The following TMEM59L variants were observed in gnomAD, a reference collection of about 807,000 sequenced individuals.
The protein encoded by TMEM59L is transmembrane protein 59 like.
TMEM59L carries 31 observed loss-of-function variants against 39.6 expected under a neutral mutation model. The observed-to-expected ratio is 0.78, with a 90% CI of 0.59 to 1.06. TMEM59L has a LOEUF of 1.06. TMEM59L is among the 50% of genes least tolerant of loss of function. TMEM59L has a pLI of 0.00. For synonymous variants in TMEM59L, 219 were observed against 202.9 expected (o/e 1.08, Z -0.68); for missense variants, 441 against 451.3 (o/e 0.98, Z 0.21).
intron 7 of TMEM59L, among the ~76,000 whole-genome samples, chr19:18,619,630 C>A (rs1196763865): frequency 2.0e-5 from 3 of 151,712 alleles, no homozygotes; most frequent in Non-Finnish European, 4.4e-5. Flanking sequence ...AGGTGAAACC[C>A]CATCTCTACT....
In TMEM59L at chr19:18,617,002, T is replaced by C. The variant is rs371416717; in HGVS notation, c.564T>C (p.Thr188=). 6.2e-7 allele frequency: 1 copy of C among 1,607,368 alleles called. No homozygotes were observed. Among genetic ancestry groups the C allele is most frequent in the Non-Finnish European group, 8.5e-7 (1 of 1,176,442 alleles). The stretch of plus-strand genomic sequence containing the variant: ...GTGCTGTCTTGTTCCTGGCCCAGAC[T>C]CAGCCCATAGTGGAGAGCCTCGGCT... The part of the protein sequence containing the change: ...TDNGKVVVFQ[T]QPIVESLGFQ... The change falls in exon 5 of 8, where the codon ACT becomes ACC. Residue 188 remains threonine (T), a splice_region_variant and synonymous_variant. Transcript: ENST00000262817.
Position 18,612,929 on chromosome 19 carries a change from TC to T in TMEM59L, c.-25del. ...CCTCCGTGCCCGGCCTGAGCTGGAG[TC>T]CCCCGCGCCCCCCGCGTTCCGCCCG... On this transcript the variant is annotated 5_prime_UTR_variant, in exon 1 of 8. Transcript: ENST00000262817. The surrounding 1 kb of genome is among the most constrained non-coding windows in gnomAD (Gnocchi z 6.2). The T allele has an allele frequency of 7.8e-7, 1 of 1,278,710 alleles. No individual in the cohort carries two copies. The allele number at this position is 1,278,710 out of a possible 1,614,324, so 79.2% of individuals were successfully genotyped here. A position where few individuals can be genotyped will look rare whatever the true frequency, so the allele number is the denominator to read the frequency against.
At chr19:18,613,515 C>T (rs1455765236) in intron 1 of TMEM59L, among the ~76,000 whole-genome samples, 2 of 151,834 alleles carry the variant, frequency 1.3e-5, no homozygotes, top group South Asian at 2.1e-4. Context: ...CCACCACTCC[C>T]CAGGATTCAA....
In TMEM59L at chr19:18,617,689, C is replaced by T. The variant is rs768667197; in HGVS notation, c.665-466C>T. The T allele has an allele frequency of 2.1e-5, 9 of 438,532 alleles. 1 individual carries two copies. The highest frequency in any genetic ancestry group is 1.4e-4 in the South Asian group (9 of 62,692). 27.2% of individuals were successfully genotyped at this position (438,532 alleles called of 1,614,324 possible). On this transcript the variant is annotated intron_variant, in intron 5 of 7. Transcript: ENST00000262817. ...CAGTTCATCTCCCAGGGTTCTGTGG[C>T]CCATCCCCCAGGGTTCTGCAGTCCA...
intron 1 of TMEM59L, among the ~76,000 whole-genome samples, chr19:18,613,628 G>A (rs983311478): frequency 6.6e-6 from 1 of 152,000 alleles, no homozygotes; most frequent in African/African-American, 2.4e-5. Context: ...GGAACCTAGT[G>A]GGGGGAAGGC....
Position 18,612,987 on chromosome 19 carries a change from CGCTGCTGCT to C in TMEM59L, c.40_48del (p.Leu15_Leu17del). The stretch of plus-strand genomic sequence containing the variant: ...GCTGCGGTGGCGCTGATGCCACCGC[CGCTGCTGCT>C]GCTGCTGCTGTTGGCGTCGCCGCCC... On this transcript the variant is annotated inframe_deletion, in exon 1 of 8. Transcript: ENST00000262817. This position sits in a 1 kb window ranked among gnomAD's most constrained non-coding sequence, Gnocchi z 6.2. 2 of 1,360,552 alleles carry C rather than the reference CGCTGCTGCT, an allele frequency of 1.5e-6. No homozygotes were observed. The highest frequency in any genetic ancestry group is 1.9e-6 in the Non-Finnish European group (2 of 1,060,520). The allele number at this position is 1,360,552 out of a possible 1,614,324, so 84.3% of individuals were successfully genotyped here.
In TMEM59L at chr19:18,612,871, T is replaced by A; in HGVS notation, c.-88T>A. 8.9e-7 allele frequency: 1 copy of A among 1,124,802 alleles called. No individual in the cohort carries two copies. The highest frequency in any genetic ancestry group is 1.1e-6 in the Non-Finnish European group (1 of 890,958). The allele number at this position is 1,124,802 out of a possible 1,614,324, so 69.7% of individuals were successfully genotyped here. On this transcript the variant is annotated 5_prime_UTR_variant, in exon 1 of 8. Transcript: ENST00000262817. The surrounding 1 kb of genome is among the most constrained non-coding windows in gnomAD (Gnocchi z 6.2). ...CCCAGGCTGCCTCGCTCGGGTGACGTCAGCGCCCCGGTCCCCGCCGCAGCC... is the reference window on the plus strand; with the variant it reads ...CCCAGGCTGCCTCGCTCGGGTGACGACAGCGCCCCGGTCCCCGCCGCAGCC...
chr19:18,617,638 T>C (rs1000003772), intron 5 of TMEM59L: 5 of 456,278 alleles, frequency 1.1e-5, no homozygotes, highest in Non-Finnish European at 2.2e-5. Flanking sequence ...CTCTCAGGGT[T>C]CCATGGTTCA....
rs1555763396 is a variant in TMEM59L, at chr19:18,618,166, C to A, written c.676C>A (p.Pro226Thr). 1 of 1,613,838 alleles carries A rather than the reference C, an allele frequency of 6.2e-7. No individual in the cohort carries two copies. Among genetic ancestry groups the A allele is most frequent in the East Asian group, 2.2e-5 (1 of 44,880 alleles). ...ALEVHVDPVG[P>T]LDKVRKAKIR... ...AGCTGATCTCTCAGACCCTGTAGGC[C>A]CCCTGGACAAGGTGAGGAAGGCCAA... The change falls in exon 6 of 8, where the codon CCC becomes ACC. Residue 226 changes from proline to threonine, a missense_variant. Physicochemically the swap from Pro to Thr is conservative, Grantham distance 38. Coordinates refer to ENST00000262817, the MANE Select transcript of TMEM59L (RefSeq NM_012109.3).
chr19:18,614,041 C>G (rs372586009), intron 2 of TMEM59L, 25 bp downstream of exon 2: 2 of 1,613,012 alleles, frequency 1.2e-6, no homozygotes, highest in East Asian at 2.2e-5. Flanking sequence ...GCAGGGTGGG[C>G]CAGCGTGGGG....
chr19:18,615,069 G>A lies in TMEM59L; in HGVS notation c.408+874G>A, dbSNP rs528903275. 5.3e-5 allele frequency among the ~76,000 whole-genome samples: 8 copies of A among 152,232 alleles called. 1 individual carries two copies. The highest frequency in any genetic ancestry group is 1.9e-4 in the East Asian group (1 of 5,174). ...ACAATCTTGGCTCACTGCAGCCTCC[G>A]CCTCCCGGGTTCAAGTGGTTCTCCT... On this transcript the variant is annotated intron_variant, in intron 3 of 7. Transcript: ENST00000262817.
At chr19:18,620,375 C>T in intron 7 of TMEM59L, 33 bp from the exon 8 acceptor site, 1 of 1,580,474 alleles carries the variant, frequency 6.3e-7, no homozygotes, top group East Asian at 2.3e-5. Flanking sequence ...TCTCCCCGTC[C>T]CTCCACTTCC....
intron 7 of TMEM59L, among the ~76,000 whole-genome samples, chr19:18,619,767 G>A (rs1398082114): frequency 1.4e-5 from 2 of 147,740 alleles, no homozygotes; most frequent in Non-Finnish European, 1.5e-5. Context: ...TCGCGCCACT[G>A]CACTCCAGCC....
Position 18,613,040 on chromosome 19 carries a change from GC to G in TMEM59L, c.85del (p.Arg29AlafsTer45). The G allele has an allele frequency of 7.2e-7, 1 of 1,391,766 alleles. No homozygotes were observed. The highest frequency in any genetic ancestry group is 9.3e-7 in the Non-Finnish European group (1 of 1,075,040). The allele number at this position is 1,391,766 out of a possible 1,614,324, so 86.2% of individuals were successfully genotyped here. Reference sequence around the variant, plus strand: ...GCCGCCCGCCGCCTCCGCGCCGTCCGCCCGCGATCCCTTCGCCCCCCAGCTC... The same window carrying G: ...GCCGCCCGCCGCCTCCGCGCCGTCCGCCGCGATCCCTTCGCCCCCCAGCTC... ...ASPPAASAPS[A>X]RDPFAPQLGD... On this transcript the variant is annotated frameshift_variant, in exon 1 of 8. Transcript: ENST00000262817. LOFTEE classifies it high-confidence loss of function.
chr19:18,618,454 AC>A lies in TMEM59L; in HGVS notation c.865del (p.Leu289TrpfsTer2), dbSNP rs1318150713. The A allele has an allele frequency of 6.2e-7, 1 of 1,606,124 alleles. No homozygotes were observed. Among genetic ancestry groups the A allele is most frequent in the East Asian group, 2.2e-5 (1 of 44,696 alleles). On this transcript the variant is annotated frameshift_variant, in exon 7 of 8. Coordinates refer to ENST00000262817, the MANE Select transcript of TMEM59L (RefSeq NM_012109.3). LOFTEE classifies it high-confidence loss of function. ...VLVMLWLSCS[T>X]LVTAPGQHLK... Reference sequence around the variant, plus strand: ...GGTGATGCTGTGGCTGAGCTGCTCCACCCTGGTGACCGCGCCTGGCCAGCAC... The same window carrying A: ...GGTGATGCTGTGGCTGAGCTGCTCCACCTGGTGACCGCGCCTGGCCAGCAC...
chr19:18,616,179 A>T (rs1203301249), intron 4 of TMEM59L, 52 bp downstream of exon 4: 2 of 1,605,464 alleles, frequency 1.2e-6, no homozygotes, highest in African/African-American at 2.7e-5. Flanking sequence ...TGGGCAGGGT[A>T]AGAAGATGGG....
chr19:18,616,387 T>TTTGTTGTTGTTG (rs71166532), intron 4 of TMEM59L, among the ~76,000 whole-genome samples: 1 of 151,438 alleles, frequency 6.6e-6, no homozygotes, highest in Non-Finnish European at 1.5e-5. Flanking sequence ...GTGGTTTTTT[T>TTTGTTGTTGTTG]TTGTTGTTGT....
intron 7 of TMEM59L, among the ~76,000 whole-genome samples, chr19:18,619,973 TCACACACA>T (rs57681167): frequency 0.022 from 2,616 of 116,890 alleles, 31 homozygotes; most frequent in African/African-American, 0.037. Context: ...GAAGACCCCA[TCACACACA>T]CACACACACA....
chr19:18,613,040 G>A lies in TMEM59L; in HGVS notation c.82G>A (p.Ala28Thr), dbSNP rs1269555656. 2.2e-6 allele frequency: 3 copies of A among 1,391,766 alleles called. No homozygotes were observed. The highest frequency in any genetic ancestry group is 2.6e-4 in the Middle Eastern group (1 of 3,902). 86.2% of individuals were successfully genotyped at this position (1,391,766 alleles called of 1,614,324 possible). A position where few individuals can be genotyped will look rare whatever the true frequency, so the allele number is the denominator to read the frequency against. The change falls in exon 1 of 8, where the codon GCC becomes ACC. Residue 28 changes from alanine (A) to threonine (T), a missense_variant. Transcript: ENST00000262817. ...ASPPAASAPS[A>T]RDPFAPQLGD... The stretch of plus-strand genomic sequence containing the variant: ...GCCGCCCGCCGCCTCCGCGCCGTCC[G>A]CCCGCGATCCCTTCGCCCCCCAGCT...
Sources: gnomAD v4.1 joint callset for allele counts (sites outside exome capture counted in the v4.1 genomes callset) on GRCh38, gnomAD v4.1.1 for gene constraint, Gnocchi (gnomAD v3.1) non-coding constraint, MANE v1.5 for transcripts, NCBI Gene and HGNC (gene_info 2026-07-23, HGNC 2026-07-21) for gene names.